Variants in DARS1 observed in about 807,000 individuals in gnomAD.
The protein encoded by DARS1 is aspartate--tRNA ligase, cytoplasmic.
A neutral mutation model predicts 68.8 loss-of-function variants in DARS1; 51 were observed. That is an observed-to-expected ratio of 0.74 (90% CI 0.59 to 0.94). The LOEUF (loss-of-function observed/expected upper bound fraction) is 0.94. Ranked by LOEUF, DARS1 falls within the 40% of genes least tolerant of loss-of-function variation. DARS1 has a pLI of 0.00. For missense variants in DARS1, 607 were observed against 597.3 expected (o/e 1.02, Z -0.17); for synonymous variants, 203 against 190.4 (o/e 1.07, Z -0.55).
chr2:135,958,685 C>T (rs1682031579), intron 4 of DARS1, among the ~76,000 whole-genome samples: 1 of 152,110 alleles, frequency 6.6e-6, no homozygotes, highest in Non-Finnish European at 1.5e-5. Context: ...TTTTTGCCAA[C>T]GAGTCTTAGC....
intron 4 of DARS1, among the ~76,000 whole-genome samples, chr2:135,949,446 A>T (rs978358127): frequency 1.3e-5 from 2 of 152,218 alleles, no homozygotes; most frequent in Non-Finnish European, 2.9e-5. Flanking sequence ...AAAAGAATAA[A>T]GGGATAATAT....
rs574944185 is a variant in DARS1 at position 135,961,426 on chromosome 2, G to C, written c.290C>G (p.Ala97Gly). 2 of 1,508,624 alleles carry C rather than the reference G, an allele frequency of 1.3e-6. No individual in the cohort carries two copies. Among genetic ancestry groups the C allele is most frequent in the African/African-American group, 2.7e-5 (2 of 73,024 alleles). The allele number at this position is 1,508,624 out of a possible 1,614,324, so 93.5% of individuals were successfully genotyped here. The change falls in exon 4 of 16, where the codon GCA (alanine) becomes GGA (glycine). Residue 97 changes from alanine to glycine, a missense_variant. Coordinates refer to ENST00000264161, the MANE Select transcript of DARS1 (RefSeq NM_001349.4). Reference protein sequence around the residue: ...VQALVAVGDHASKQMVKFAAN... With the variant: ...VQALVAVGDHGSKQMVKFAAN... ...AGCAAATTTAACCATCTGCTTGCTT[G>C]CATGGTCTCCCACCGCCACAAGAGC...
At chr2:135,916,106 G>T (rs1680996237) in intron 11 of DARS1, 120 bp downstream of exon 11, 6 of 485,380 alleles carry the variant, frequency 1.2e-5, no homozygotes, top group Middle Eastern at 5.8e-4. Context: ...AAGACAACTT[G>T]GAGGACGGGT....
intron 10 of DARS1, among the ~76,000 whole-genome samples, chr2:135,919,159 T>C (rs937928266): frequency 1.8e-4 from 28 of 152,068 alleles, no homozygotes; most frequent in African/African-American, 6.8e-4. Flanking sequence ...GCCTCCCAAG[T>C]AGCTGGGATT....
chr2:135,924,570 A>G, intron 7 of DARS1, 72 bp from the exon 8 acceptor site: 1 of 1,518,682 alleles, frequency 6.6e-7, no homozygotes, highest in Non-Finnish European at 8.7e-7. Flanking sequence ...TGGGCTAGGC[A>G]CTGTGGAAAC....
chr2:135,909,418 T>TA (rs1680852901), intron 15 of DARS1, among the ~76,000 whole-genome samples: 1 of 152,232 alleles, frequency 6.6e-6, no homozygotes. Context: ...GACACTCTGA[T>TA]ACACTGTGAA....
At chr2:135,979,669 T>A (rs1389846568) in intron 2 of DARS1, among the ~76,000 whole-genome samples, 1 of 152,194 alleles carries the variant, frequency 6.6e-6, no homozygotes, top group Non-Finnish European at 1.5e-5. Context: ...CTAACTGCAA[T>A]CCCTGTGTCC....
At chr2:135,951,707 A>T (rs1433397426) in intron 4 of DARS1, among the ~76,000 whole-genome samples, 1 of 152,194 alleles carries the variant, frequency 6.6e-6, no homozygotes, top group Non-Finnish European at 1.5e-5. Flanking sequence ...CACACACCTT[A>T]AACATCTACT....
chr2:135,974,908 T>C (rs1410993094), intron 3 of DARS1, among the ~76,000 whole-genome samples: 2 of 151,916 alleles, frequency 1.3e-5, no homozygotes, highest in African/African-American at 4.8e-5. Flanking sequence ...AGTTAACATA[T>C]CAGGAAAAGA....
At chr2:135,912,443 C>A in intron 13 of DARS1, 43 bp downstream of exon 13, 1 of 741,958 alleles carries the variant, frequency 1.3e-6, no homozygotes, top group Non-Finnish European at 2.4e-6. Flanking sequence ...AATAAAATTT[C>A]CCTTCTGCCT....
intron 4 of DARS1, among the ~76,000 whole-genome samples, chr2:135,955,950 C>T (rs1230665143): frequency 1.3e-5 from 2 of 152,074 alleles, no homozygotes; most frequent in Non-Finnish European, 2.9e-5. Flanking sequence ...TGAGCCACCA[C>T]GCCCAGCCAT....
chr2:135,970,448 G>C (rs1171744022), intron 3 of DARS1, among the ~76,000 whole-genome samples: 1 of 151,858 alleles, frequency 6.6e-6, no homozygotes, highest in Admixed American at 6.6e-5. Flanking sequence ...AATGATAATG[G>C]AAACAACATG....
chr2:135,985,615 C>T lies in DARS1; in HGVS notation c.-147G>A. On this transcript the variant is annotated 5_prime_UTR_variant, in exon 1 of 16. Transcript: ENST00000264161. ...GCTCGGACTCCGCGTGGAGGTGCGG[C>T]TCCAGAAAGATCGCGAGAGCTGCGG... 1 of 1,493,824 alleles carries T rather than the reference C, an allele frequency of 6.7e-7. No homozygotes were observed. The highest frequency in any genetic ancestry group is 2.3e-5 in the Admixed American group (1 of 42,832). The allele number at this position is 1,493,824 out of a possible 1,614,324, so 92.5% of individuals were successfully genotyped here. A position where few individuals can be genotyped will look rare whatever the true frequency, so the allele number is the denominator to read the frequency against.
intron 15 of DARS1, among the ~76,000 whole-genome samples, chr2:135,907,702 C>CTG (rs1680818926): frequency 6.6e-6 from 1 of 151,852 alleles, no homozygotes; most frequent in East Asian, 1.9e-4. Context: ...ATAAGAAAAA[C>CTG]AAAACAAAAG....
intron 15 of DARS1, among the ~76,000 whole-genome samples, chr2:135,909,154 C>T (rs957578149): frequency 4.6e-5 from 7 of 151,984 alleles, no homozygotes; most frequent in Non-Finnish European, 7.4e-5. Context: ...TGGGGGACAG[C>T]ATTAGGAAAA....
intron 4 of DARS1, among the ~76,000 whole-genome samples, chr2:135,952,686 A>G (rs1224576094): frequency 1.3e-5 from 2 of 152,134 alleles, no homozygotes; most frequent in Non-Finnish European, 2.9e-5. Context: ...AGGTTCATCT[A>G]TGTTGCCACA....
intron 4 of DARS1, among the ~76,000 whole-genome samples, chr2:135,959,857 G>A (rs1185356268): frequency 6.6e-6 from 1 of 152,056 alleles, no homozygotes; most frequent in African/African-American, 2.4e-5. Flanking sequence ...TGTAACTGTC[G>A]GCTTCATGTA....
chr2:135,960,632 T>C (rs1213839275), intron 4 of DARS1, among the ~76,000 whole-genome samples: 4 of 152,098 alleles, frequency 2.6e-5, no homozygotes, highest in South Asian at 2.1e-4. Context: ...ACAAAGACCA[T>C]CCATTTTCTC....
At chr2:135,912,923 C>T (rs1680926731) in intron 12 of DARS1, among the ~76,000 whole-genome samples, 3 of 152,016 alleles carry the variant, frequency 2.0e-5, no homozygotes, top group Middle Eastern at 3.4e-3. Flanking sequence ...TGGAATCTCG[C>T]TATGTTTGCC....
Sources: allele counts gnomAD v4.1 joint callset (sites outside exome capture counted in the v4.1 genomes callset), GRCh38; gene constraint gnomAD v4.1.1; transcripts MANE v1.5; gene names NCBI Gene and HGNC (gene_info 2026-07-23, HGNC 2026-07-21).